The following LRRIQ3 variants were observed in gnomAD, a reference collection of about 807,000 sequenced individuals.
The protein encoded by LRRIQ3 is leucine-rich repeat and IQ domain-containing protein 3.
Under a neutral mutation model 59.3 loss-of-function variants are expected in LRRIQ3, and 75 were observed. That is an observed-to-expected ratio of 1.26 (90% CI 1.05 to 1.53). The LOEUF is 1.53. Ranked by LOEUF, LRRIQ3 falls within the 40% of genes most tolerant of loss-of-function variation. The pLI is 0.00. For missense variants in LRRIQ3, 831 were observed against 710.0 expected (o/e 1.17, Z -1.94); for synonymous variants, 250 against 231.3 (o/e 1.08, Z -0.73).
At chr1:74,061,980 G>C (rs916098434) in intron 6 of LRRIQ3, among the ~76,000 whole-genome samples, 6 of 152,152 alleles carry the variant, frequency 3.9e-5, no homozygotes, top group African/African-American at 1.2e-4. Flanking sequence ...GTTGCAGGGA[G>C]CTGAGATCAT....
rs184565575 is a variant in LRRIQ3, at chr1:74,061,842, C to T, written c.997+12819G>A. On this transcript the variant is annotated intron_variant, in intron 6 of 7. Transcript: ENST00000354431. ...TTGAGCTCAGGAACTGGAGACTAGG[C>T]TGCATAACTTAGTGAGACCCTCTCT... Among the ~76,000 whole-genome samples the T allele has an allele frequency of 5.9e-5, 9 of 152,156 alleles. No homozygotes were observed. The East Asian group carries it at 1.7e-3, about 29-fold the overall frequency.
rs1172372902 is a variant in LRRIQ3, at chr1:74,026,680, T to G, written c.*133A>C. ...GAAACATTTTAACTAATCTTTATAT[T>G]TTTAGAAGACTTATATATAAATCCA... On this transcript the variant is annotated 3_prime_UTR_variant, in exon 8 of 8. Transcript: ENST00000354431. 1.5e-6 allele frequency: 1 copy of G among 688,648 alleles called. No homozygotes were observed. Among genetic ancestry groups the G allele is most frequent in the East Asian group, 3.2e-5 (1 of 31,436 alleles). The allele number at this position is 688,648 out of a possible 1,614,324, so 42.7% of individuals were successfully genotyped here.
chr1:74,097,067 T>C (rs1646459374), intron 5 of LRRIQ3, among the ~76,000 whole-genome samples: 1 of 152,108 alleles, frequency 6.6e-6, no homozygotes. Flanking sequence ...CACTACTCTC[T>C]TCAAAGCTGT....
At chr1:74,101,464 C>T (rs1048980105) in intron 5 of LRRIQ3, among the ~76,000 whole-genome samples, 9 of 152,096 alleles carry the variant, frequency 5.9e-5, no homozygotes, top group South Asian at 2.1e-4. Flanking sequence ...GTTGATGGGA[C>T]GGTAAACCAG....
chr1:74,123,183 G>A (rs977947085), intron 4 of LRRIQ3, among the ~76,000 whole-genome samples: 1 of 151,796 alleles, frequency 6.6e-6, no homozygotes, highest in Admixed American at 6.6e-5. Flanking sequence ...TACATAGGAG[G>A]TGTATATAGT....
chr1:74,089,561 A>C (rs941442545), intron 5 of LRRIQ3, among the ~76,000 whole-genome samples: 1 of 152,102 alleles, frequency 6.6e-6, no homozygotes, highest in African/African-American at 2.4e-5. Flanking sequence ...ACTCTTGAAA[A>C]CATTATACTA....
chr1:74,041,927 T>C lies in LRRIQ3; in HGVS notation c.1004A>G (p.Glu335Gly), dbSNP rs780940907. The C allele has an allele frequency of 1.8e-5, 28 of 1,596,206 alleles. No individual in the cohort carries two copies. The highest frequency in any genetic ancestry group is 8.5e-5 in the Admixed American group (5 of 58,550). The change falls in exon 7 of 8, where the codon GAG (glutamate) becomes GGG (glycine). Residue 335 changes from glutamate to glycine, a missense_variant. Glu to Gly is a moderately conservative substitution (Grantham distance 98). Coordinates refer to ENST00000354431, the MANE Select transcript of LRRIQ3 (RefSeq NM_001105659.2). ...TTCATCCACAATTTCATCTTCAGAC[T>C]CCTGACCTACATCAAACAGAAGCAA... ...TSRHLIQKGQ[E>G]SEDEIVDEKL...
intron 6 of LRRIQ3, among the ~76,000 whole-genome samples, chr1:74,065,545 T>C (rs1654842664): frequency 1.3e-5 from 2 of 152,128 alleles, no homozygotes; most frequent in Admixed American, 1.3e-4. Context: ...ACACTGTTCC[T>C]CCATAGTTAA....
At chr1:74,141,423 T>C (rs1010494813) in intron 4 of LRRIQ3, among the ~76,000 whole-genome samples, 6 of 151,800 alleles carry the variant, frequency 4.0e-5, no homozygotes, top group African/African-American at 1.4e-4. Flanking sequence ...AAAGTATAAC[T>C]ATGGCTTTTT....
intron 3 of LRRIQ3, among the ~76,000 whole-genome samples, chr1:74,176,081 C>T (rs1649620412): frequency 2.0e-5 from 3 of 152,148 alleles, no homozygotes; most frequent in African/African-American, 7.2e-5. Context: ...CCTGATATTC[C>T]ACAGCCTTCT....
At chr1:74,135,218 G>A (rs1647101749) in intron 4 of LRRIQ3, among the ~76,000 whole-genome samples, 1 of 151,882 alleles carries the variant, frequency 6.6e-6, no homozygotes, top group African/African-American at 2.4e-5. Flanking sequence ...TTCTAAGTAT[G>A]TATGTACCCA....
intron 3 of LRRIQ3, among the ~76,000 whole-genome samples, chr1:74,168,412 T>C (rs1649124334): frequency 6.6e-6 from 1 of 152,100 alleles, no homozygotes; most frequent in South Asian, 2.1e-4. Context: ...AATCCTACTT[T>C]TAACTAATTT....
At chr1:74,178,890 C>A (rs1428451101) in intron 3 of LRRIQ3, among the ~76,000 whole-genome samples, 2 of 152,034 alleles carry the variant, frequency 1.3e-5, no homozygotes, top group Admixed American at 6.6e-5. Context: ...TAAGCACATT[C>A]TTGGATGTGA....
rs1185549546 is a variant in LRRIQ3, at chr1:74,183,375, G to T, written c.249+61C>A. ...GAAATACTGTGGATAGGTAACATAA[G>T]TACTTATTATAAGACTGAAATTTCG... On this transcript the variant is annotated intron_variant, in intron 2 of 7. Coordinates refer to ENST00000354431, the MANE Select transcript of LRRIQ3 (RefSeq NM_001105659.2). 1.2e-5 allele frequency: 17 copies of T among 1,408,286 alleles called. No homozygotes were observed. The East Asian group carries it at 3.6e-4, about 29-fold the overall frequency. 87.2% of individuals were successfully genotyped at this position (1,408,286 alleles called of 1,614,324 possible). A position where few individuals can be genotyped will look rare whatever the true frequency, so the allele number is the denominator to read the frequency against.
intron 5 of LRRIQ3, among the ~76,000 whole-genome samples, chr1:74,088,861 T>C (rs1036834392): frequency 5.3e-5 from 8 of 151,964 alleles, no homozygotes; most frequent in Non-Finnish European, 1.0e-4. Context: ...AAGAATACCA[T>C]TGAGAAAGTG....
intron 5 of LRRIQ3, among the ~76,000 whole-genome samples, chr1:74,089,329 A>G (rs1354372506): frequency 6.6e-6 from 1 of 152,098 alleles, no homozygotes; most frequent in Non-Finnish European, 1.5e-5. Context: ...AAAACTAAAA[A>G]CATATATTCA....
chr1:74,066,660 C>CTT (rs1435847855), intron 6 of LRRIQ3, among the ~76,000 whole-genome samples: 1 of 152,076 alleles, frequency 6.6e-6, no homozygotes, highest in East Asian at 1.9e-4. Context: ...TCATAGCCTA[C>CTT]TTATGAAATA....
chr1:74,052,257 G>A (rs1262467244), intron 6 of LRRIQ3, among the ~76,000 whole-genome samples: 1 of 151,990 alleles, frequency 6.6e-6, no homozygotes, highest in Non-Finnish European at 1.5e-5. Flanking sequence ...CTTTTTTTGA[G>A]CCATTGGACA....
intron 4 of LRRIQ3, among the ~76,000 whole-genome samples, chr1:74,125,568 T>C (rs933065957): frequency 6.6e-6 from 1 of 151,938 alleles, no homozygotes; most frequent in Non-Finnish European, 1.5e-5. Flanking sequence ...AAAGGGATAT[T>C]GGATTGTGTC....
Sources: allele counts gnomAD v4.1 joint callset (sites outside exome capture counted in the v4.1 genomes callset), GRCh38; gene constraint gnomAD v4.1.1; transcripts MANE v1.5; gene names NCBI Gene and HGNC (gene_info 2026-07-23, HGNC 2026-07-21).